CLSTN2: variants seen among roughly 807,000 people sequenced by gnomAD.
CLSTN2 encodes calsyntenin-2.
CLSTN2 carries 48 observed loss-of-function variants against 101.2 expected under a neutral mutation model. The ratio of observed to expected loss-of-function variants is 0.47; its 90% CI spans 0.38 to 0.60. The LOEUF is 0.60. Ranked by LOEUF, CLSTN2 falls within the 20% of genes least tolerant of loss-of-function variation. The pLI is 0.00. For synonymous variants in CLSTN2, 481 were observed against 463.6 expected, an observed-to-expected ratio of 1.04 and a Z score of -0.48; for missense variants, 1,160 against 1,238.2, an observed-to-expected ratio of 0.94 and a Z score of 0.95.
chr3:139,943,681 G>A (rs1935171228), intron 1 of CLSTN2, among the ~76,000 whole-genome samples: 1 of 152,104 alleles, frequency 6.6e-6, no homozygotes, highest in Non-Finnish European at 1.5e-5. Flanking sequence ...TCACCATCTG[G>A]GGATGGGAGC....
At chr3:140,157,098 A>G (rs1000814945) in intron 1 of CLSTN2, among the ~76,000 whole-genome samples, 1 of 152,186 alleles carries the variant, frequency 6.6e-6, no homozygotes, top group Non-Finnish European at 1.5e-5. Context: ...GAGGGGAAGC[A>G]TCGCTGCTCA....
At chr3:139,992,012 T>A (rs1576389456) in intron 1 of CLSTN2, among the ~76,000 whole-genome samples, 1 of 152,138 alleles carries the variant, frequency 6.6e-6, no homozygotes, top group East Asian at 1.9e-4. Context: ...TTCTGTTATG[T>A]GGGGTGGGGA....
chr3:140,555,972 T>C lies in CLSTN2; in HGVS notation c.1675-541T>C, dbSNP rs532420343. Among the ~76,000 whole-genome samples the C allele has an allele frequency of 9.8e-4, 149 of 152,284 alleles. 2 individuals are homozygous for C. Among genetic ancestry groups the C allele is most frequent in the African/African-American group, 3.4e-3 (140 of 41,554 alleles). On this transcript the variant is annotated intron_variant, in intron 10 of 16. Transcript: ENST00000458420. ...TGTACAACTCATGGGAAACCAGAGT[T>C]TAGCACTTGAAAAGGAAGACAAAAA...
At chr3:140,204,628 G>A (rs529766758) in intron 2 of CLSTN2, among the ~76,000 whole-genome samples, 33 of 146,238 alleles carry the variant, frequency 2.3e-4, no homozygotes, top group African/African-American at 6.7e-4. Context: ...TGGGAGTGGC[G>A]GTAAGCTCTG....
At chr3:140,419,631 A>G (rs181103452) in intron 4 of CLSTN2, among the ~76,000 whole-genome samples, 1 of 61,262 alleles carries the variant, frequency 1.6e-5, no homozygotes, top group Non-Finnish European at 2.6e-5. Context: ...GTATATATGT[A>G]TATATACATA....
chr3:140,271,559 T>A (rs2086742067), intron 2 of CLSTN2, among the ~76,000 whole-genome samples: 1 of 152,132 alleles, frequency 6.6e-6, no homozygotes, highest in African/African-American at 2.4e-5. Flanking sequence ...TGTATTCTCA[T>A]GTGGTGGAAG....
chr3:140,245,548 G>A (rs2107871455), intron 2 of CLSTN2, among the ~76,000 whole-genome samples: 1 of 152,284 alleles, frequency 6.6e-6, no homozygotes, highest in Middle Eastern at 3.4e-3. Flanking sequence ...ACAAATTGTG[G>A]AAGGATAACT....
intron 5 of CLSTN2, among the ~76,000 whole-genome samples, chr3:140,429,060 AAAGACAGTGGCAGAAAGACAG>A: frequency 6.6e-6 from 1 of 152,206 alleles, no homozygotes; most frequent in South Asian, 2.1e-4. Context: ...TTTGTGTTGA[AAAGACAGTGGCAGAAAGACAG>A]CATCTAATCA....
At chr3:140,448,924 C>A (rs769150237) in intron 6 of CLSTN2, among the ~76,000 whole-genome samples, 5 of 152,072 alleles carry the variant, frequency 3.3e-5, no homozygotes, top group Non-Finnish European at 7.4e-5. Context: ...AGTTATGTGG[C>A]CTTGGGCAAG....
At chr3:139,937,291 G>C (rs2107805009) in intron 1 of CLSTN2, among the ~76,000 whole-genome samples, 1 of 152,008 alleles carries the variant, frequency 6.6e-6, no homozygotes, top group Admixed American at 6.6e-5. Flanking sequence ...GGTCAGAATG[G>C]GAAGCTTCAT....
chr3:140,299,533 G>A (rs1237124910), intron 2 of CLSTN2, among the ~76,000 whole-genome samples: 1 of 152,128 alleles, frequency 6.6e-6, no homozygotes, highest in Non-Finnish European at 1.5e-5. Flanking sequence ...TGTCAGGGAA[G>A]TAGCAGAGCC....
At chr3:140,009,273 CTTGG>C (rs2007022514) in intron 1 of CLSTN2, among the ~76,000 whole-genome samples, 1 of 152,074 alleles carries the variant, frequency 6.6e-6, no homozygotes, top group Non-Finnish European at 1.5e-5. Flanking sequence ...TAAAACTGAC[CTTGG>C]TAAGTCATTG....
intron 1 of CLSTN2, among the ~76,000 whole-genome samples, chr3:140,092,104 A>G (rs553476889): frequency 6.6e-6 from 1 of 152,320 alleles, no homozygotes; most frequent in Non-Finnish European, 1.5e-5. Flanking sequence ...AGAATACTTC[A>G]GCATCTGGAT....
At chr3:140,276,070 T>A (rs2086792004) in intron 2 of CLSTN2, among the ~76,000 whole-genome samples, 1 of 152,138 alleles carries the variant, frequency 6.6e-6, no homozygotes, top group Non-Finnish European at 1.5e-5. Flanking sequence ...AGAACCTGGA[T>A]ATAAGCTGCA....
At chr3:140,176,347 G>A (rs1301353989) in intron 2 of CLSTN2, among the ~76,000 whole-genome samples, 1 of 152,166 alleles carries the variant, frequency 6.6e-6, no homozygotes, top group Non-Finnish European at 1.5e-5. Flanking sequence ...GAAGTGGCCT[G>A]TGGAGTTGGA....
chr3:140,516,286 C>A (rs2107770881), intron 8 of CLSTN2, among the ~76,000 whole-genome samples: 1 of 152,294 alleles, frequency 6.6e-6, no homozygotes, highest in East Asian at 1.9e-4. Flanking sequence ...TTTATCCATT[C>A]TGCCATTCTG....
chr3:140,366,654 T>A (rs1230700644), intron 2 of CLSTN2, among the ~76,000 whole-genome samples: 1 of 152,078 alleles, frequency 6.6e-6, no homozygotes, highest in Non-Finnish European at 1.5e-5. Flanking sequence ...TTCCCTCCAC[T>A]CTCTGCACCA....
intron 2 of CLSTN2, among the ~76,000 whole-genome samples, chr3:140,188,732 T>C (rs113140632): frequency 0.022 from 3,304 of 152,310 alleles, 109 homozygotes; most frequent in African/African-American, 0.074. Context: ...TTTGAGGTAA[T>C]TACAGATTCA....
chr3:140,288,585 T>G (rs555231339), intron 2 of CLSTN2, among the ~76,000 whole-genome samples: 2 of 152,238 alleles, frequency 1.3e-5, no homozygotes, highest in Non-Finnish European at 2.9e-5. Flanking sequence ...ACATCATTTC[T>G]GTGGTTTGTA....
Sources: gnomAD v4.1 joint callset for allele counts (sites outside exome capture counted in the v4.1 genomes callset) on GRCh38, gnomAD v4.1.1 for gene constraint, MANE v1.5 for transcripts, NCBI Gene and HGNC (gene_info 2026-07-23, HGNC 2026-07-21) for gene names.